The following IGF1R variants were observed in gnomAD, a reference collection of about 807,000 sequenced individuals.
IGF1R encodes the protein insulin like growth factor 1 receptor.
Under a neutral mutation model 144.6 loss-of-function variants are expected in IGF1R, and 44 were observed. The observed-to-expected ratio is 0.30, with a 90% CI of 0.24 to 0.39. The LOEUF is 0.39. IGF1R is among the 10% of genes least tolerant of loss of function. The pLI, the probability that IGF1R is intolerant of heterozygous loss-of-function variation, is 1.00. For missense variants in IGF1R, 1,355 were observed against 1,833.7 expected, an observed-to-expected ratio of 0.74 and a Z score of 4.77; for synonymous variants, 795 against 722.8, an observed-to-expected ratio of 1.10 and a Z score of -1.60.
In IGF1R at chr15:98,891,581, C is replaced by T. The variant is rs566063029; in HGVS notation, c.897C>T (p.His299=). 2.1e-5 allele frequency: 33 copies of T among 1,605,912 alleles called. No homozygotes were observed. The Middle Eastern group carries it at 5.0e-4, about 24-fold the overall frequency. ...GCGACTCCGAGGGGTTTGTGATCCA[C>T]GACGGCGAGTGCATGCAGGAGTGCC... ...ESSDSEGFVI[H]DGECMQECPS... The change falls in exon 3 of 21, where the codon CAC becomes CAT. Residue 299 remains histidine (H), a synonymous_variant. Transcript: ENST00000650285. The surrounding 1 kb of genome is among the most constrained non-coding windows in gnomAD (Gnocchi z 4.7).
rs754969104 is a variant in IGF1R, at chr15:98,934,875, G to A, written c.3008G>A (p.Arg1003Gln). 2.6e-5 allele frequency: 42 copies of A among 1,613,980 alleles called. No homozygotes were observed. The South Asian group carries it at 3.3e-4, about 13-fold the overall frequency. Residue 1003 changes from arginine to glutamine, a missense_variant, in exon 16 of 21, where the codon CGG (arginine) becomes CAG (glutamine). Transcript: ENST00000650285. Reference sequence around the variant, plus strand: ...GCTCGGGAGAAGATCACCATGAGCCGGGAACTTGGGCAGGGGTCGTTTGGG... The same window carrying A: ...GCTCGGGAGAAGATCACCATGAGCCAGGAACTTGGGCAGGGGTCGTTTGGG... ...EVAREKITMS[R>Q]ELGQGSFGMV... is the part of the protein sequence containing the mutation.
rs373669654 is a variant in IGF1R, at chr15:98,908,659, G to A, written c.1248-26G>A. 49 of 1,597,818 alleles carry A rather than the reference G, an allele frequency of 3.1e-5. No individual in the cohort carries two copies. In the African/African-American group the frequency reaches 3.1e-4, roughly 10 times the overall value. On this transcript the variant is annotated intron_variant, in intron 5 of 20. Transcript: ENST00000650285. ...GGGGACTGTGGCCAAGGGCAGGTGC[G>A]CTAACATCGATTTCTGTGCTTCTAG...
At chr15:98,678,447 T>C (rs2053102386) in intron 1 of IGF1R, among the ~76,000 whole-genome samples, 1 of 151,948 alleles carries the variant, frequency 6.6e-6, no homozygotes, top group Non-Finnish European at 1.5e-5. Flanking sequence ...TAAACTGTCC[T>C]TTGAAGGTTT....
intron 1 of IGF1R, among the ~76,000 whole-genome samples, chr15:98,685,919 A>T (rs141823305): frequency 6.6e-6 from 1 of 152,320 alleles, no homozygotes; most frequent in East Asian, 1.9e-4. Flanking sequence ...GAATTTTTTT[A>T]AATGTACGAG....
chr15:98,728,247 G>A (rs1053185507), intron 2 of IGF1R, among the ~76,000 whole-genome samples: 3 of 152,128 alleles, frequency 2.0e-5, no homozygotes, highest in Non-Finnish European at 4.4e-5. Flanking sequence ...AATCACGCCT[G>A]TTGTTGCCGC....
intron 1 of IGF1R, among the ~76,000 whole-genome samples, chr15:98,688,185 A>G (rs1207851532): frequency 6.6e-6 from 1 of 152,084 alleles, no homozygotes; most frequent in Non-Finnish European, 1.5e-5. Flanking sequence ...GGTAGGGGGC[A>G]GGGTTTTGGA....
intron 2 of IGF1R, among the ~76,000 whole-genome samples, chr15:98,778,350 G>A (rs374463728): frequency 2.4e-4 from 36 of 152,256 alleles, no homozygotes; most frequent in Middle Eastern, 3.4e-3. Context: ...CTTTTGCTTC[G>A]TTCTCACAAT....
At chr15:98,864,684 C>G (rs1260401817) in intron 2 of IGF1R, among the ~76,000 whole-genome samples, 1 of 152,146 alleles carries the variant, frequency 6.6e-6, no homozygotes, top group Non-Finnish European at 1.5e-5. Context: ...CAGCGCTCAG[C>G]CTAAAAATAA....
chr15:98,818,427 G>C (rs913987296), intron 2 of IGF1R, among the ~76,000 whole-genome samples: 1 of 152,186 alleles, frequency 6.6e-6, no homozygotes, highest in Admixed American at 6.5e-5. Context: ...GGTGGAGAAG[G>C]GGAGAAGGAG....
chr15:98,667,796 A>G (rs1438668170), intron 1 of IGF1R, among the ~76,000 whole-genome samples: 2 of 151,900 alleles, frequency 1.3e-5, no homozygotes, highest in African/African-American at 4.8e-5. Flanking sequence ...TTGGACTTGC[A>G]TTTTCTCTGG....
intron 2 of IGF1R, among the ~76,000 whole-genome samples, chr15:98,746,237 G>A (rs2054861784): frequency 6.6e-6 from 1 of 152,202 alleles, no homozygotes; most frequent in Non-Finnish European, 1.5e-5. Flanking sequence ...ACCGGGGTAG[G>A]TGGGGAAACA....
In IGF1R at chr15:98,836,539, A is replaced by G. The variant is rs956158206; in HGVS notation, c.641-54786A>G. ...GTCTCTTTAAAAAAAAAAAAAAAAAAAGTTTGTAAAATATCACCCAGTTTT... is the reference window on the plus strand; with the variant it reads ...GTCTCTTTAAAAAAAAAAAAAAAAAGAGTTTGTAAAATATCACCCAGTTTT... On this transcript the variant is annotated intron_variant, in intron 2 of 20. Transcript: ENST00000650285. Among the ~76,000 whole-genome samples the G allele has an allele frequency of 3.2e-3, 478 of 150,180 alleles. 3 individuals carry two copies. The highest frequency in any genetic ancestry group is 0.011 in the African/African-American group (452 of 40,238).
intron 2 of IGF1R, among the ~76,000 whole-genome samples, chr15:98,782,820 T>G (rs2055889918): frequency 6.6e-6 from 1 of 152,370 alleles, no homozygotes; most frequent in Non-Finnish European, 1.5e-5. Flanking sequence ...AATTGCTCAT[T>G]TTAAGATCTC....
At chr15:98,813,032 C>T (rs557132234) in intron 2 of IGF1R, among the ~76,000 whole-genome samples, 47 of 152,288 alleles carry the variant, frequency 3.1e-4, no homozygotes, top group Non-Finnish European at 5.4e-4. Flanking sequence ...GGAAGCTTCT[C>T]GTCATCCCCC....
intron 2 of IGF1R, among the ~76,000 whole-genome samples, chr15:98,884,683 C>CAAAAAA (rs35707888): frequency 5.0e-5 from 4 of 80,218 alleles, no homozygotes; most frequent in East Asian, 3.8e-4. Context: ...CACTCCGTCT[C>CAAAAAA]AAAAAAAAAA....
intron 2 of IGF1R, among the ~76,000 whole-genome samples, chr15:98,788,050 C>CTG (rs1171190613): frequency 3.6e-5 from 5 of 138,268 alleles, no homozygotes; most frequent in African/African-American, 6.4e-5. Context: ...CTCTCTCTCT[C>CTG]TCTCTCTCTC....
chr15:98,662,992 C>G lies in IGF1R; in HGVS notation c.94+13317C>G, dbSNP rs61204352. On this transcript the variant is annotated intron_variant, in intron 1 of 20. Transcript: ENST00000650285. The stretch of plus-strand genomic sequence containing the variant: ...TGTTCTGGGGAGGCTGCTCTGGTCT[C>G]TCGATGGAGTCAGGATTGGGGGACA... 8.9e-3 allele frequency among the ~76,000 whole-genome samples: 1,355 copies of G among 152,220 alleles called. 23 individuals carry two copies. The highest frequency in any genetic ancestry group is 0.031 in the African/African-American group (1,286 of 41,530).
intron 1 of IGF1R, among the ~76,000 whole-genome samples, chr15:98,701,417 A>G (rs1171410935): frequency 1.5e-5 from 2 of 133,844 alleles, no homozygotes; most frequent in East Asian, 2.2e-4. Flanking sequence ...GCTCACTGCA[A>G]GCTCCGCCTC....
rs45495697 is a variant in IGF1R at position 98,669,702 on chromosome 15, C to T, written c.94+20027C>T. Reference sequence around the variant, plus strand: ...GACTTCCCTCCATCCTCTGGGCAGCCTTGTCAGGTGGGTGTGGAAGCTGAG... The same window carrying T: ...GACTTCCCTCCATCCTCTGGGCAGCTTTGTCAGGTGGGTGTGGAAGCTGAG... On this transcript the variant is annotated intron_variant, in intron 1 of 20. Transcript: ENST00000650285. 1.1e-3 allele frequency among the ~76,000 whole-genome samples: 160 copies of T among 152,294 alleles called. 1 individual carries two copies. The highest frequency in any genetic ancestry group is 1.9e-3 in the African/African-American group (78 of 41,552).
Sources: gnomAD v4.1 joint callset for allele counts (sites outside exome capture counted in the v4.1 genomes callset) on GRCh38, gnomAD v4.1.1 for gene constraint, Gnocchi (gnomAD v3.1) non-coding constraint, MANE v1.5 for transcripts, NCBI Gene and HGNC (gene_info 2026-07-23, HGNC 2026-07-21) for gene names.